The following CCDC33 variants were observed in gnomAD, a reference collection of about 807,000 sequenced individuals.
CCDC33 encodes coiled-coil domain-containing protein 33.
A neutral mutation model predicts 91.9 loss-of-function variants in CCDC33; 94 were observed. The ratio of observed to expected loss-of-function variants is 1.02; its 90% CI spans 0.87 to 1.21. The LOEUF is 1.21. Among genes scored for constraint, CCDC33 ranks in the 50% most tolerant of loss-of-function variants. CCDC33 has a pLI of 0.00. For missense variants in CCDC33, 940 were observed against 935.5 expected, an observed-to-expected ratio of 1.00 and a Z score of -0.06; for synonymous variants, 396 against 374.5, an observed-to-expected ratio of 1.06 and a Z score of -0.66.
chr15:74,334,865 C>A, intron 17 of CCDC33, 110 bp from the exon 18 acceptor site: 1 of 953,412 alleles, frequency 1.0e-6, no homozygotes, highest in Non-Finnish European at 1.7e-6. Context: ...CCACATGGCC[C>A]AGAGCTTTGC....
intron 10 of CCDC33, among the ~76,000 whole-genome samples, chr15:74,287,787 T>A (rs189498): frequency 0.74 from 113,165 of 152,098 alleles, 43,029 homozygotes; most frequent in Non-Finnish European, 0.84. Context: ...AGACTGTCTC[T>A]AAAAACAGAA....
chr15:74,331,213 A>G lies in CCDC33; in HGVS notation c.1688A>G (p.Lys563Arg). Reference sequence around the variant, plus strand: ...TGCTCTGCTCTCCAGGTGATCGAGAAGATGGAGCGGGTGCTGGAGGACAGG... The same window carrying G: ...TGCTCTGCTCTCCAGGTGATCGAGAGGATGGAGCGGGTGCTGGAGGACAGG... Reference protein sequence around the residue: ...TVRHQEKVIEKMERVLEDRLQ... With the variant: ...TVRHQEKVIERMERVLEDRLQ... The change falls in exon 15 of 19, where the codon AAG becomes AGG. Residue 563 changes from lysine (K) to arginine (R), a missense_variant. Coordinates refer to ENST00000398814, the MANE Select transcript of CCDC33 (RefSeq NM_025055.5). The G allele has an allele frequency of 1.2e-6, 2 of 1,614,192 alleles. No homozygotes were observed. Among genetic ancestry groups the G allele is most frequent in the South Asian group, 1.1e-5 (1 of 91,086 alleles).
chr15:74,323,416 C>A (rs916500427), intron 11 of CCDC33, among the ~76,000 whole-genome samples: 1 of 152,112 alleles, frequency 6.6e-6, no homozygotes, highest in African/African-American at 2.4e-5. Flanking sequence ...AACAGCATCA[C>A]CAGCATCCTC....
At chr15:74,238,543 A>G (rs1039840451) in intron 1 of CCDC33, among the ~76,000 whole-genome samples, 1 of 151,886 alleles carries the variant, frequency 6.6e-6, no homozygotes, top group African/African-American at 2.4e-5. Flanking sequence ...TATACTAGGG[A>G]TATTAATCCT....
chr15:74,291,857 T>C (rs1401560940), intron 10 of CCDC33, among the ~76,000 whole-genome samples: 5 of 152,218 alleles, frequency 3.3e-5, no homozygotes, highest in Admixed American at 3.3e-4. Flanking sequence ...GACCCAACTC[T>C]GCTAACAACA....
intron 2 of CCDC33, among the ~76,000 whole-genome samples, chr15:74,250,019 C>T (rs2075655794): frequency 6.6e-6 from 1 of 152,146 alleles, no homozygotes; most frequent in African/African-American, 2.4e-5. Context: ...TTTCTCTAGC[C>T]TGTACTCTTT....
At chr15:74,223,404 T>G (rs1334743834) in intron 2 of CCDC33, among the ~76,000 whole-genome samples, 1 of 152,096 alleles carries the variant, frequency 6.6e-6, no homozygotes, top group Non-Finnish European at 1.5e-5. Flanking sequence ...GGGTTCCCCC[T>G]CCTCCTCCTT....
At chr15:74,224,632 G>A (rs190449891) in intron 2 of CCDC33, among the ~76,000 whole-genome samples, 4 of 152,186 alleles carry the variant, frequency 2.6e-5, no homozygotes, top group South Asian at 2.1e-4. Flanking sequence ...ATTTAGCAGC[G>A]TTTGACCTGG....
chr15:74,204,596 C>T (rs1017432200), intron 1 of CCDC33, among the ~76,000 whole-genome samples: 3 of 152,234 alleles, frequency 2.0e-5, no homozygotes. Context: ...ACTCCCTCTA[C>T]AAGGCAGCAG....
At chr15:74,334,875 C>T in intron 17 of CCDC33, 100 bp from the exon 18 acceptor site, 1 of 1,036,938 alleles carries the variant, frequency 9.6e-7, no homozygotes, top group Non-Finnish European at 1.5e-6. Context: ...CAGAGCTTTG[C>T]TTTCTGCCTG....
chr15:74,236,937 C>T (rs954326952), intron 1 of CCDC33, among the ~76,000 whole-genome samples, 197 bp downstream of exon 1: 2 of 152,332 alleles, frequency 1.3e-5, no homozygotes, highest in African/African-American at 4.8e-5. Flanking sequence ...TTGGGCCACA[C>T]GGGAACTGGA....
At chr15:74,294,449 A>T (rs2059641173) in intron 10 of CCDC33, among the ~76,000 whole-genome samples, 3 of 152,106 alleles carry the variant, frequency 2.0e-5, no homozygotes, top group African/African-American at 7.2e-5. Flanking sequence ...TTTAAAAAAA[A>T]AAAACAAAAA....
intron 2 of CCDC33, among the ~76,000 whole-genome samples, chr15:74,230,644 C>T (rs2074942040): frequency 6.6e-6 from 1 of 152,188 alleles, no homozygotes; most frequent in Non-Finnish European, 1.5e-5. Context: ...ACACTCTACT[C>T]GTCACCCCCA....
chr15:74,307,294 CATTTTA>C (rs2059909425), intron 11 of CCDC33, among the ~76,000 whole-genome samples: 1 of 152,316 alleles, frequency 6.6e-6, no homozygotes, highest in South Asian at 2.1e-4. Context: ...CCTTAGTACT[CATTTTA>C]ATAACACTAA....
intron 9 of CCDC33, 33 bp from the exon 10 acceptor site, chr15:74,281,745 A>T: frequency 6.3e-7 from 1 of 1,596,082 alleles, no homozygotes; most frequent in Non-Finnish European, 8.6e-7. Flanking sequence ...TGCCCTGGCC[A>T]GCATGGTCTG....
chr15:74,245,663 A>T (rs1034940604), intron 2 of CCDC33, among the ~76,000 whole-genome samples: 4 of 149,624 alleles, frequency 2.7e-5, no homozygotes, highest in Admixed American at 2.0e-4. Flanking sequence ...GCAGGAGCCT[A>T]GGCGACACGA....
intron 1 of CCDC33, chr15:74,208,738 T>C (rs1408345840): frequency 1.0e-6 from 1 of 987,994 alleles, no homozygotes. Context: ...CCCATGTGCC[T>C]TCTCGCTGTT....
intron 7 of CCDC33, among the ~76,000 whole-genome samples, chr15:74,276,005 C>G (rs138661191): frequency 1.3e-3 from 205 of 152,348 alleles, no homozygotes; most frequent in African/African-American, 4.8e-3. Flanking sequence ...TAAAGAGCAA[C>G]TGGAAACCAA....
intron 10 of CCDC33, among the ~76,000 whole-genome samples, chr15:74,293,032 C>T (rs989732590): frequency 6.6e-6 from 1 of 152,142 alleles, no homozygotes; most frequent in Non-Finnish European, 1.5e-5. Flanking sequence ...CCAGCTCTGA[C>T]CAGGGGCTCA....
Sources: allele counts gnomAD v4.1 joint callset (sites outside exome capture counted in the v4.1 genomes callset), GRCh38; gene constraint gnomAD v4.1.1; transcripts MANE v1.5; gene names NCBI Gene and HGNC (gene_info 2026-07-23, HGNC 2026-07-21).